NIBAN1: variants seen among roughly 807,000 people sequenced by gnomAD.
NIBAN1 encodes protein Niban 1.
NIBAN1 carries 81 observed loss-of-function variants against 75.1 expected under a neutral mutation model. That is an observed-to-expected ratio of 1.08 (90% CI 0.90 to 1.30). NIBAN1 has a LOEUF of 1.30. NIBAN1 is among the 50% of genes most tolerant of loss of function. The probability of loss-of-function intolerance (pLI) is 0.00; values close to 1 mark genes in which losing one functional copy is unlikely to be tolerated. For missense variants in NIBAN1, 1,133 were observed against 1,128.1 expected (o/e 1.00, Z -0.06); for synonymous variants, 436 against 424.8 (o/e 1.03, Z -0.32).
intron 5 of NIBAN1, among the ~76,000 whole-genome samples, chr1:184,863,505 T>C (rs1571528189): frequency 6.6e-6 from 1 of 152,224 alleles, no homozygotes; most frequent in African/African-American, 2.4e-5. Flanking sequence ...TATTTTCAAT[T>C]AAATAAAATT....
rs147707802 is a variant in NIBAN1 at position 184,832,620 on chromosome 1, G to A, written c.602-658C>T. On this transcript the variant is annotated intron_variant, in intron 5 of 13. Transcript: ENST00000367511. Reference sequence around the variant, plus strand: ...GATCATATAGCTAGTGAGTGGCACAGCCCAGGTGTGAAATGTAGTCTGACC... The same window carrying A: ...GATCATATAGCTAGTGAGTGGCACAACCCAGGTGTGAAATGTAGTCTGACC... Among the ~76,000 whole-genome samples the A allele has an allele frequency of 3.3e-5, 5 of 152,282 alleles. No homozygotes were observed. In the East Asian group the frequency reaches 9.7e-4, roughly 29 times the overall value.
chr1:184,795,195 G>A lies in NIBAN1; in HGVS notation c.2569C>T (p.Gln857Ter), dbSNP rs1476839960. 6.8e-6 allele frequency: 11 copies of A among 1,614,150 alleles called. No homozygotes were observed. Among genetic ancestry groups the A allele is most frequent in the Non-Finnish European group, 9.3e-6 (11 of 1,180,048 alleles). ...ATCTCTTCTTGTTCCTCAGAAACCT[G>A]GCTCTCACTGAGGCAGATGGGGTCA... ...GSDPICLSESQVSEEQEEMGG... is the reference protein window; with the variant it reads ...GSDPICLSES Residue 857 changes from glutamine to a stop codon, truncating the protein, a stop_gained, in exon 14 of 14, where the codon CAG (glutamine) becomes TAG (stop). Transcript: ENST00000367511. LOFTEE classifies it low-confidence loss of function (END_TRUNC).
intron 5 of NIBAN1, among the ~76,000 whole-genome samples, chr1:184,857,755 A>G (rs142494254): frequency 1.2e-3 from 185 of 152,262 alleles, no homozygotes; most frequent in Non-Finnish European, 1.8e-3. Context: ...ATATGTGTGT[A>G]TATATATAAT....
intron 5 of NIBAN1, among the ~76,000 whole-genome samples, chr1:184,856,216 CATT>C (rs1330357655): frequency 6.6e-6 from 1 of 152,076 alleles, no homozygotes; most frequent in African/African-American, 2.4e-5. Context: ...TGATTGACAT[CATT>C]ATTTGTTTTA....
At chr1:184,922,586 T>C (rs935138886) in intron 1 of NIBAN1, among the ~76,000 whole-genome samples, 2 of 152,048 alleles carry the variant, frequency 1.3e-5, no homozygotes, top group African/African-American at 4.8e-5. Context: ...GTCCCTTTTG[T>C]TTTGTTTTTT....
Position 184,836,239 on chromosome 1 carries a change from G to C in NIBAN1, c.602-4277C>G, listed in dbSNP as rs185155035. On this transcript the variant is annotated intron_variant, in intron 5 of 13. Transcript: ENST00000367511. Reference sequence around the variant, plus strand: ...GATGGAAACTGTAATTATTACATTGGGATTCAAGATTGACTCATGTGCTCT... The same window carrying C: ...GATGGAAACTGTAATTATTACATTGCGATTCAAGATTGACTCATGTGCTCT... Among the ~76,000 whole-genome samples, 120 of 152,190 alleles carry C rather than the reference G, an allele frequency of 7.9e-4. 1 individual carries two copies. The highest frequency in any genetic ancestry group is 2.7e-3 in the African/African-American group (114 of 41,520).
At chr1:184,823,586 G>A (rs774615952) in intron 7 of NIBAN1, 52 bp downstream of exon 7, 4 of 1,575,718 alleles carry the variant, frequency 2.5e-6, no homozygotes, top group Non-Finnish European at 3.5e-6. Flanking sequence ...GAAAAGGGAA[G>A]AGAATGTTCC....
At chr1:184,840,227 C>A (rs1383135154) in intron 5 of NIBAN1, among the ~76,000 whole-genome samples, 4 of 152,192 alleles carry the variant, frequency 2.6e-5, no homozygotes, top group South Asian at 4.1e-4. Context: ...CGAGAACCAG[C>A]CCCATTACTT....
At chr1:184,904,241 G>C (rs1256606494) in intron 1 of NIBAN1, among the ~76,000 whole-genome samples, 1 of 151,804 alleles carries the variant, frequency 6.6e-6, no homozygotes, top group Non-Finnish European at 1.5e-5. Flanking sequence ...ATGTTGCCCA[G>C]GCTGGTTTCG....
chr1:184,835,793 G>A (rs1459097780), intron 5 of NIBAN1, among the ~76,000 whole-genome samples: 3 of 152,174 alleles, frequency 2.0e-5, no homozygotes, highest in African/African-American at 7.2e-5. Context: ...CTGCAAACAG[G>A]GACAATTTGA....
chr1:184,831,834 A>C lies in NIBAN1; in HGVS notation c.717+13T>G. On this transcript the variant is annotated intron_variant, in intron 6 of 13. Transcript: ENST00000367511. ...AACACAGAGAGAATCCAAAATTTTG[A>C]ACCCCATATTACCTGGATTTCATCC... The C allele has an allele frequency of 6.3e-7, 1 of 1,598,186 alleles. No homozygotes were observed. Among genetic ancestry groups the C allele is most frequent in the Non-Finnish European group, 8.6e-7 (1 of 1,166,410 alleles).
rs1253544117 is a variant in NIBAN1 at position 184,791,705 on chromosome 1, C to T, written c.*3272G>A. Reference sequence around the variant, plus strand: ...TTTTATGCATTTCTAATGGCTTTGCCCATAGGAGAGATACCCAGAGTGGCA... The same window carrying T: ...TTTTATGCATTTCTAATGGCTTTGCTCATAGGAGAGATACCCAGAGTGGCA... On this transcript the variant is annotated 3_prime_UTR_variant, in exon 14 of 14. Transcript: ENST00000367511. 1 of 151,762 alleles carries T rather than the reference C, an allele frequency of 6.6e-6. No individual in the cohort carries two copies. Among genetic ancestry groups the T allele is most frequent in the East Asian group, 1.9e-4 (1 of 5,168 alleles). The allele number at this position is 151,762 out of a possible 1,614,324, so 9.4% of individuals were successfully genotyped here. A position where few individuals can be genotyped will look rare whatever the true frequency, so the allele number is the denominator to read the frequency against.
chr1:184,863,055 A>G lies in NIBAN1; in HGVS notation c.601+21578T>C, dbSNP rs898186179. ...TTTCTCACCAGGTTTTATTAGTTTA[A>G]CATTACGTCCTCCTTAAAAGAGTTC... On this transcript the variant is annotated intron_variant, in intron 5 of 13. Coordinates refer to ENST00000367511, the MANE Select transcript of NIBAN1 (RefSeq NM_052966.4). Among the ~76,000 whole-genome samples the G allele has an allele frequency of 7.2e-5, 11 of 152,210 alleles. No individual in the cohort carries two copies. In the Middle Eastern group the frequency reaches 0.01, roughly 141 times the overall value.
intron 1 of NIBAN1, among the ~76,000 whole-genome samples, chr1:184,901,557 A>T (rs1203265077): frequency 6.6e-6 from 1 of 152,222 alleles, no homozygotes; most frequent in Non-Finnish European, 1.5e-5. Context: ...AATGATGAAC[A>T]AAATTTGCCC....
intron 1 of NIBAN1, among the ~76,000 whole-genome samples, chr1:184,939,915 A>C (rs985068773): frequency 6.6e-6 from 1 of 152,206 alleles, no homozygotes; most frequent in African/African-American, 2.4e-5. Context: ...ACACTCCATT[A>C]TGGCATTTGG....
At chr1:184,936,396 C>CATATT (rs1657962789) in intron 1 of NIBAN1, among the ~76,000 whole-genome samples, 1 of 152,172 alleles carries the variant, frequency 6.6e-6, no homozygotes, top group Non-Finnish European at 1.5e-5. Context: ...TGTCAGGCCT[C>CATATT]ATATTTCTCA....
intron 1 of NIBAN1, among the ~76,000 whole-genome samples, chr1:184,924,995 AT>A (rs1657647109): frequency 6.6e-6 from 1 of 151,530 alleles, no homozygotes. Context: ...GATCTTTTGT[AT>A]TGTTTTTTCA....
Position 184,884,623 on chromosome 1 carries a change from C to T in NIBAN1, c.601+10G>A, listed in dbSNP as rs766679032. The T allele has an allele frequency of 5.1e-5, 83 of 1,613,432 alleles. No homozygotes were observed. The highest frequency in any genetic ancestry group is 6.4e-5 in the Non-Finnish European group (75 of 1,179,670). ...CCCGCCCCGGGGATGAGAGGGGAGC[C>T]GCGCCATACCATGATTGAGATGCCT... On this transcript the variant is annotated intron_variant, in intron 5 of 13. Transcript: ENST00000367511.
At chr1:184,893,364 A>G (rs1448225518) in intron 3 of NIBAN1, among the ~76,000 whole-genome samples, 1 of 152,158 alleles carries the variant, frequency 6.6e-6, no homozygotes, top group Non-Finnish European at 1.5e-5. Flanking sequence ...TCTTTCCCCT[A>G]TACCACACTA....
Sources: allele counts gnomAD v4.1 joint callset (sites outside exome capture counted in the v4.1 genomes callset), GRCh38; gene constraint gnomAD v4.1.1; transcripts MANE v1.5; gene names NCBI Gene and HGNC (gene_info 2026-07-23, HGNC 2026-07-21).